ZNF69: variants seen among roughly 807,000 people sequenced by gnomAD.
ZNF69 encodes the protein ZNF3.
In ZNF69, 47 loss-of-function variants were observed where a neutral mutation model predicts 50.9. The observed-to-expected ratio is 0.92, with a 90% CI of 0.73 to 1.18. The LOEUF is 1.18. Ranked by LOEUF, ZNF69 falls within the 50% of genes most tolerant of loss-of-function variation. ZNF69 has a pLI of 0.00. For missense variants in ZNF69, 717 were observed against 675.1 expected (o/e 1.06, Z -0.69); for synonymous variants, 216 against 223.1 (o/e 0.97, Z 0.29).
At chr19:11,956,968 G>A in the ZNF69 span, among the ~76,000 whole-genome samples, 3 of 152,130 alleles carry the variant, frequency 2.0e-5, no homozygotes, top group African/African-American at 7.2e-5. Context: ...CAGATCCCTG[G>A]AAAGCTAGGG....
chr19:11,947,356 TC>T, the ZNF69 span: 1 of 1,611,616 alleles, frequency 6.2e-7, no homozygotes, highest in East Asian at 2.2e-5. Context: ...AACCAGTGTT[TC>T]TAGCTCATGA....
the ZNF69 span, among the ~76,000 whole-genome samples, chr19:11,936,606 A>G: frequency 6.6e-6 from 1 of 152,154 alleles, no homozygotes; most frequent in South Asian, 2.1e-4. Context: ...TTGGATGGGT[A>G]GATTGCAAAA....
chr19:11,951,181 A>G, the ZNF69 span, among the ~76,000 whole-genome samples: 1 of 148,614 alleles, frequency 6.7e-6, no homozygotes, highest in Non-Finnish European at 1.5e-5. Flanking sequence ...AAGAAATTTT[A>G]CTTTTCATGC....
chr19:11,970,463 T>C, the ZNF69 span, among the ~76,000 whole-genome samples: 1 of 152,230 alleles, frequency 6.6e-6, no homozygotes, highest in African/African-American at 2.4e-5. Flanking sequence ...TAAGGTAACA[T>C]ATAAATAAAA....
chr19:11,976,555 CAAAAAAAAA>C, the ZNF69 span, among the ~76,000 whole-genome samples: 24 of 73,828 alleles, frequency 3.3e-4, no homozygotes, highest in African/African-American at 8.4e-4. Context: ...GACTCTGTCT[CAAAAAAAAA>C]AAAAAAAAAA....
chr19:11,959,826 C>G, the ZNF69 span, among the ~76,000 whole-genome samples: 1 of 152,144 alleles, frequency 6.6e-6, no homozygotes, highest in Non-Finnish European at 1.5e-5. Context: ...ACCTTTCATG[C>G]ACGTGTCTTT....
the ZNF69 span, chr19:11,978,389 T>C: frequency 7.4e-6 from 12 of 1,614,048 alleles, no homozygotes; most frequent in Middle Eastern, 1.6e-4. Context: ...CCTTCAGATA[T>C]CACCCCTCCT....
the ZNF69 span, among the ~76,000 whole-genome samples, chr19:11,939,258 T>C: frequency 6.6e-5 from 10 of 152,242 alleles, no homozygotes; most frequent in African/African-American, 1.4e-4. Context: ...ATTTTGGCTT[T>C]TGTTGCCATT....
chr19:11,967,976 A>C, the ZNF69 span, among the ~76,000 whole-genome samples: 2 of 152,240 alleles, frequency 1.3e-5, no homozygotes, highest in Admixed American at 6.5e-5. Context: ...TTGAAAGCAC[A>C]TACTATTATG....
At chr19:11,936,600 A>T in the ZNF69 span, among the ~76,000 whole-genome samples, 2,530 of 152,072 alleles carry the variant, frequency 0.017, 63 homozygotes, top group African/African-American at 0.058. Context: ...CGTTTGTTGG[A>T]TGGGTAGATT....
chr19:11,926,348 C>T, the ZNF69 span, among the ~76,000 whole-genome samples: 1 of 151,944 alleles, frequency 6.6e-6, no homozygotes, highest in East Asian at 1.9e-4. Flanking sequence ...GGGTTTTTTG[C>T]GGGTCCTGTT....
chr19:11,944,646 G>T, the ZNF69 span, among the ~76,000 whole-genome samples: 1 of 152,208 alleles, frequency 6.6e-6, no homozygotes, highest in Non-Finnish European at 1.5e-5. Flanking sequence ...GTACACACAA[G>T]AACTAGTAAA....
intron 1 of ZNF69, among the ~76,000 whole-genome samples, chr19:11,896,402 A>G (rs140356172): frequency 5.1e-4 from 77 of 152,058 alleles, no homozygotes; most frequent in African/African-American, 1.7e-3. Context: ...ATATCAAATT[A>G]CCATAGACTG....
the ZNF69 span, among the ~76,000 whole-genome samples, chr19:11,946,091 G>C: frequency 6.6e-6 from 1 of 152,152 alleles, no homozygotes; most frequent in Non-Finnish European, 1.5e-5. Flanking sequence ...CCTGAGCCTG[G>C]TCCCCCTTAG....
chr19:11,972,363 C>T, the ZNF69 span, among the ~76,000 whole-genome samples: 10 of 152,062 alleles, frequency 6.6e-5, no homozygotes, highest in African/African-American at 2.4e-4. Context: ...TTAAAAATTA[C>T]ATTCAACAGG....
the ZNF69 span, among the ~76,000 whole-genome samples, chr19:11,969,452 T>G: frequency 6.8e-6 from 1 of 146,776 alleles, no homozygotes; most frequent in Non-Finnish European, 1.5e-5. Flanking sequence ...TTTCTAGTTA[T>G]GTAATCAGCG....
chr19:11,895,870 A>G (rs1977213252), intron 1 of ZNF69, among the ~76,000 whole-genome samples: 1 of 152,158 alleles, frequency 6.6e-6, no homozygotes, highest in African/African-American at 2.4e-5. Context: ...TTAAGTGTTC[A>G]CCACTTGTAT....
chr19:11,948,976 A>C, the ZNF69 span: 1 of 1,608,688 alleles, frequency 6.2e-7, no homozygotes, highest in South Asian at 1.1e-5. Context: ...ATTTGCATAT[A>C]CCAGTTCTCT....
chr19:11,894,243 C>T (rs747340792), intron 1 of ZNF69, among the ~76,000 whole-genome samples: 11 of 152,174 alleles, frequency 7.2e-5, no homozygotes, highest in Non-Finnish European at 1.2e-4. Flanking sequence ...GACCTCGGCT[C>T]ACTGCAAGCT....
Sources: allele counts gnomAD v4.1 joint callset (sites outside exome capture counted in the v4.1 genomes callset), GRCh38; gene constraint gnomAD v4.1.1; transcripts MANE v1.5; gene names NCBI Gene and HGNC (gene_info 2026-07-23, HGNC 2026-07-21).